The following PROSER2 variants were observed in gnomAD, a reference collection of about 807,000 sequenced individuals.
The protein encoded by PROSER2 is proline and serine-rich protein 2.
A neutral mutation model predicts 14.6 loss-of-function variants in PROSER2; 18 were observed. That is an observed-to-expected ratio of 1.23 (90% CI 0.85 to 1.83). PROSER2 has a LOEUF of 1.83. PROSER2 is among the 40% of genes most tolerant of loss of function. The probability of loss-of-function intolerance (pLI) is 0.00; values close to 1 mark genes in which losing one functional copy is unlikely to be tolerated. For synonymous variants in PROSER2, 367 were observed against 286.4 expected (o/e 1.28, Z -2.84); for missense variants, 823 against 629.8 (o/e 1.31, Z -3.28).
chr10:11,869,765 G>A lies in PROSER2; in HGVS notation c.667G>A (p.Gly223Arg), dbSNP rs117789748. The A allele has an allele frequency of 0.12, 181,459 of 1,567,012 alleles. 11,460 individuals are homozygous for A. The highest frequency in any genetic ancestry group is 0.13 in the Non-Finnish European group (147,992 of 1,157,852). The change falls in exon 4 of 4, where the codon GGG becomes AGG. Residue 223 changes from glycine (G) to arginine (R), a missense_variant. Gly to Arg is a moderately radical substitution (Grantham distance 125). Transcript: ENST00000277570. The surrounding 1 kb of genome is among the most constrained non-coding windows in gnomAD (Gnocchi z 4.4). The stretch of plus-strand genomic sequence containing the variant: ...CTCCCCGTTCAGGGAGGGCCGGCCC[G>A]GGGAGTGGAGGACACCTGCCGCCCG... ...PTSPFREGRP[G>R]EWRTPAARGP...
chr10:11,869,885 G>T lies in PROSER2; in HGVS notation c.787G>T (p.Ala263Ser). 1 of 1,591,788 alleles carries T rather than the reference G, an allele frequency of 6.3e-7. No homozygotes were observed. Reference protein sequence around the residue: ...FPSNIIVTNGAAREPRRTLSR... With the variant: ...FPSNIIVTNGSAREPRRTLSR... ...CAGCAACATCATCGTCACCAACGGCGCGGCCCGGGAGCCCCGCAGGACCCT... is the reference window on the plus strand; with the variant it reads ...CAGCAACATCATCGTCACCAACGGCTCGGCCCGGGAGCCCCGCAGGACCCT... The change falls in exon 4 of 4, where the codon GCG becomes TCG. Residue 263 changes from alanine to serine, a missense_variant. Ala to Ser is a moderately conservative substitution (Grantham distance 99, BLOSUM62 1). Transcript: ENST00000277570. The surrounding 1 kb of genome is among the most constrained non-coding windows in gnomAD (Gnocchi z 4.4).
Position 11,865,662 on chromosome 10 carries a change from ACAGTCCTC to A in PROSER2, c.139-866_139-859del, listed in dbSNP as rs1487490917. ...CTCGGGTTCCCCAGAGATGACATGC[ACAGTCCTC>A]CATCTGGAGGGCGGTCACTTGGCTG... On this transcript the variant is annotated intron_variant, in intron 2 of 3. Transcript: ENST00000277570. This position sits in a 1 kb window ranked among gnomAD's most constrained non-coding sequence, Gnocchi z 4.2. Among the ~76,000 whole-genome samples the A allele has an allele frequency of 3.3e-5, 5 of 152,254 alleles. No individual in the cohort carries two copies. Among genetic ancestry groups the A allele is most frequent in the Admixed American group, 2.6e-4 (4 of 15,302 alleles).
chr10:11,852,005 T>C lies in PROSER2; in HGVS notation c.-73T>C. On this transcript the variant is annotated 5_prime_UTR_variant, in exon 2 of 4. Transcript: ENST00000277570. ...GTGTTTGGTGTCTCTAGGAGTGAGC[T>C]GTTGCCGCAGAATGGGCTGCTGGCT... 3 of 1,498,900 alleles carry C rather than the reference T, an allele frequency of 2.0e-6. No individual in the cohort carries two copies. The highest frequency in any genetic ancestry group is 2.7e-6 in the Non-Finnish European group (3 of 1,122,630). The allele number at this position is 1,498,900 out of a possible 1,614,324, so 92.9% of individuals were successfully genotyped here.
intron 3 of PROSER2, among the ~76,000 whole-genome samples, chr10:11,868,310 C>G (rs1834394859): frequency 6.6e-6 from 1 of 152,212 alleles, no homozygotes; most frequent in African/African-American, 2.4e-5. Flanking sequence ...GGAACTCTCT[C>G]TCCCACCCAG....
At chr10:11,824,992 C>A (rs1283120708) in intron 1 of PROSER2, among the ~76,000 whole-genome samples, 7 of 152,102 alleles carry the variant, frequency 4.6e-5, no homozygotes, top group African/African-American at 1.7e-4. Context: ...CGTGACTGGT[C>A]GTCCAGCATA....
chr10:11,838,519 C>CT lies in PROSER2; in HGVS notation c.-81-13477dup, dbSNP rs745882488. On this transcript the variant is annotated intron_variant, in intron 1 of 3. Transcript: ENST00000277570. This position sits in a 1 kb window ranked among gnomAD's most constrained non-coding sequence, Gnocchi z 4.4. Reference sequence around the variant, plus strand: ...CACATGTTCCTAGTAGACAGCTCCCCTGGAGTGAAGGCTGAGCAGTGGAAT... The same window carrying CT: ...CACATGTTCCTAGTAGACAGCTCCCCTTGGAGTGAAGGCTGAGCAGTGGAAT... Among the ~76,000 whole-genome samples, 2 of 152,226 alleles carry CT rather than the reference C, an allele frequency of 1.3e-5. No homozygotes were observed. Among genetic ancestry groups the CT allele is most frequent in the African/African-American group, 2.4e-5 (1 of 41,456 alleles).
In PROSER2 at chr10:11,869,610, C is replaced by T; in HGVS notation, c.512C>T (p.Pro171Leu). Residue 171 changes from proline to leucine, a missense_variant, in exon 4 of 4, where the codon CCC becomes CTC. Transcript: ENST00000277570. This position sits in a 1 kb window ranked among gnomAD's most constrained non-coding sequence, Gnocchi z 4.4. The stretch of plus-strand genomic sequence containing the variant: ...CCCCTGCCTAGCACCCCCGATCCCC[C>T]CAGGAGGGAGCTGCGCGCCCCCTCC... Reference protein sequence around the residue: ...PPPLPSTPDPPRRELRAPSPP... With the variant: ...PPPLPSTPDPLRRELRAPSPP... 3 of 1,605,766 alleles carry T rather than the reference C, an allele frequency of 1.9e-6. No individual in the cohort carries two copies. The highest frequency in any genetic ancestry group is 1.7e-6 in the Non-Finnish European group (2 of 1,174,720).
chr10:11,833,894 G>A (rs1033843675), intron 1 of PROSER2, among the ~76,000 whole-genome samples: 2 of 150,468 alleles, frequency 1.3e-5, no homozygotes, highest in East Asian at 2.0e-4. Context: ...GCTTGACCAT[G>A]TTCGGTAGAG....
chr10:11,846,773 A>G (rs1431038238), intron 1 of PROSER2, among the ~76,000 whole-genome samples: 1 of 152,142 alleles, frequency 6.6e-6, no homozygotes, highest in African/African-American at 2.4e-5. Flanking sequence ...TGTTTGTTTT[A>G]GAGATGGCCA....
chr10:11,840,891 C>A (rs1833827226), intron 1 of PROSER2, among the ~76,000 whole-genome samples: 1 of 128,554 alleles, frequency 7.8e-6, no homozygotes, highest in Non-Finnish European at 1.6e-5. Flanking sequence ...CACCATTGCA[C>A]TCCAGCCTGG....
intron 1 of PROSER2, among the ~76,000 whole-genome samples, chr10:11,833,063 C>G (rs1052813805): frequency 1.3e-5 from 2 of 151,872 alleles, no homozygotes; most frequent in Non-Finnish European, 2.9e-5. Context: ...AGGCTGGTCT[C>G]AAACTCCTGA....
Position 11,830,652 on chromosome 10 carries a change from T to G in PROSER2, c.-82+7182T>G, listed in dbSNP as rs1037596926. 2.0e-5 allele frequency among the ~76,000 whole-genome samples: 3 copies of G among 152,222 alleles called. No individual in the cohort carries two copies. The highest frequency in any genetic ancestry group is 4.4e-5 in the Non-Finnish European group (3 of 68,028). On this transcript the variant is annotated intron_variant, in intron 1 of 3. Transcript: ENST00000277570. This position sits in a 1 kb window ranked among gnomAD's most constrained non-coding sequence, Gnocchi z 4.5. ...CTTGAGCTACTTAAAGGTGTCCTGA[T>G]TTCTCTGAGAGAGGTTGATAGCCAT...
chr10:11,852,747 A>C, intron 2 of PROSER2, among the ~76,000 whole-genome samples: 1 of 119,156 alleles, frequency 8.4e-6, no homozygotes, highest in Admixed American at 9.7e-5. Flanking sequence ...CATGTTGGCC[A>C]GGCTGATCTC....
chr10:11,831,889 T>C (rs1233473368), intron 1 of PROSER2: 1 of 152,222 alleles, frequency 6.6e-6, no homozygotes, highest in Admixed American at 6.5e-5. Context: ...ATGTGATGTG[T>C]GGCTGGGAGT....
At chr10:11,863,535 C>T (rs1473307414) in intron 2 of PROSER2, among the ~76,000 whole-genome samples, 3 of 149,556 alleles carry the variant, frequency 2.0e-5, no homozygotes, top group Admixed American at 1.3e-4. Flanking sequence ...GTGAAACCAT[C>T]CCCCCCACAA....
intron 1 of PROSER2, among the ~76,000 whole-genome samples, chr10:11,829,169 G>C (rs942082016): frequency 6.6e-6 from 1 of 151,920 alleles, no homozygotes; most frequent in Non-Finnish European, 1.5e-5. Flanking sequence ...AGTTGAACAG[G>C]ATGTTAGGGA....
In PROSER2 at chr10:11,865,516, G is replaced by C. The variant is rs114842746; in HGVS notation, c.139-1015G>C. Reference sequence around the variant, plus strand: ...TTATTAGATATCTGCGCATACTCCAGAGTAGGACAGTAAGAAACTGCTGCG... The same window carrying C: ...TTATTAGATATCTGCGCATACTCCACAGTAGGACAGTAAGAAACTGCTGCG... On this transcript the variant is annotated intron_variant, in intron 2 of 3. Transcript: ENST00000277570. The surrounding 1 kb of genome is among the most constrained non-coding windows in gnomAD (Gnocchi z 4.2). Among the ~76,000 whole-genome samples the C allele has an allele frequency of 8.4e-3, 1,284 of 152,328 alleles. 21 individuals are homozygous for C. The highest frequency in any genetic ancestry group is 0.029 in the African/African-American group (1,212 of 41,564).
chr10:11,847,308 C>G (rs189167742), intron 1 of PROSER2, among the ~76,000 whole-genome samples: 1 of 152,126 alleles, frequency 6.6e-6, no homozygotes, highest in Admixed American at 6.5e-5. Flanking sequence ...GATTGCTGTT[C>G]CCAGCGCAGC....
At chr10:11,854,759 G>A (rs1015979627) in intron 2 of PROSER2, among the ~76,000 whole-genome samples, 8 of 151,968 alleles carry the variant, frequency 5.3e-5, no homozygotes, top group African/African-American at 1.9e-4. Context: ...TTTTTAAACA[G>A]TCACATGACA....
Sources: gnomAD v4.1 joint callset for allele counts (sites outside exome capture counted in the v4.1 genomes callset) on GRCh38, gnomAD v4.1.1 for gene constraint, Gnocchi (gnomAD v3.1) non-coding constraint, MANE v1.5 for transcripts, NCBI Gene and HGNC (gene_info 2026-07-23, HGNC 2026-07-21) for gene names.